Variants in QRICH1 observed in about 807,000 individuals in gnomAD.
QRICH1 encodes the protein transcriptional regulator QRICH1.
In QRICH1, 16 loss-of-function variants were observed where a neutral mutation model predicts 87.1. The ratio of observed to expected loss-of-function variants is 0.18; its 90% CI spans 0.12 to 0.28. The LOEUF is 0.28. Among genes scored for constraint, QRICH1 ranks in the 10% least tolerant of loss-of-function variants. The pLI, the probability that QRICH1 is intolerant of heterozygous loss-of-function variation, is 1.00. For synonymous variants in QRICH1, 367 were observed against 368.4 expected (o/e 1.00, Z 0.05); for missense variants, 647 against 951.7 (o/e 0.68, Z 4.21).
At chr3:49,041,339 ATGTGTG>A (rs34898562) in intron 6 of QRICH1, among the ~76,000 whole-genome samples, 9 of 149,314 alleles carry the variant, frequency 6.0e-5, no homozygotes, top group East Asian at 2.0e-4. Context: ...GATATTTAAT[ATGTGTG>A]TGTGTGTGTG....
intron 3 of QRICH1, among the ~76,000 whole-genome samples, chr3:49,056,029 G>A (rs1355908309): frequency 6.6e-6 from 1 of 151,924 alleles, no homozygotes. Flanking sequence ...AGGCTGGAAT[G>A]CAATGGCGCA....
intron 6 of QRICH1, among the ~76,000 whole-genome samples, chr3:49,041,796 A>G (rs929172293): frequency 2.0e-5 from 3 of 151,816 alleles, no homozygotes; most frequent in Admixed American, 2.0e-4. Flanking sequence ...ACGTCCAGCT[A>G]ATTTTTTGTA....
intron 3 of QRICH1, among the ~76,000 whole-genome samples, chr3:49,054,951 T>C (rs751949003): frequency 3.3e-5 from 5 of 152,236 alleles, no homozygotes; most frequent in Admixed American, 1.3e-4. Context: ...AAGACCTCTG[T>C]TGACTTCTTA....
chr3:49,047,293 G>C, intron 3 of QRICH1, 47 bp from the exon 4 acceptor site: 1 of 1,534,048 alleles, frequency 6.5e-7, no homozygotes, highest in African/African-American at 1.4e-5. Flanking sequence ...TTTTATATTA[G>C]ATCCTTCTGC....
intron 3 of QRICH1, 88 bp from the exon 4 acceptor site, chr3:49,047,334 C>A: frequency 8.0e-7 from 1 of 1,243,972 alleles, no homozygotes; most frequent in South Asian, 1.5e-5. Flanking sequence ...ATGTATAGTT[C>A]ATTTATTTAA....
intron 2 of QRICH1, among the ~76,000 whole-genome samples, chr3:49,062,284 G>A (rs548057774): frequency 1.3e-4 from 20 of 150,692 alleles, no homozygotes; most frequent in African/African-American, 4.6e-4. Flanking sequence ...AGTGAGCCGA[G>A]ATGGCGCCAC....
chr3:49,050,112 G>A (rs1489325011), intron 3 of QRICH1, among the ~76,000 whole-genome samples: 3 of 151,702 alleles, frequency 2.0e-5, no homozygotes, highest in South Asian at 2.1e-4. Context: ...CGAGGCGGGC[G>A]GATCACAAGG....
At chr3:49,085,139 T>C (rs1475667455) in intron 1 of QRICH1, among the ~76,000 whole-genome samples, 1 of 150,912 alleles carries the variant, frequency 6.6e-6, no homozygotes, top group Non-Finnish European at 1.5e-5. Context: ...CAAGACTCCG[T>C]CTCAAAAAAA....
intron 6 of QRICH1, among the ~76,000 whole-genome samples, chr3:49,035,542 T>G (rs1048386475): frequency 6.6e-6 from 1 of 151,912 alleles, no homozygotes; most frequent in Admixed American, 6.6e-5. Context: ...GTTACTCATG[T>G]CTATAATCTC....
chr3:49,036,990 G>A (rs1025844847), intron 6 of QRICH1, among the ~76,000 whole-genome samples: 7 of 151,140 alleles, frequency 4.6e-5, no homozygotes, highest in Non-Finnish European at 1.0e-4. Context: ...CTTGGGCCCA[G>A]GAGGTTGAGG....
rs528210717 is a variant in QRICH1, at chr3:49,088,425, A to C, written c.-22+5487T>G. On this transcript the variant is annotated intron_variant, in intron 1 of 9. Coordinates refer to ENST00000395443, the MANE Select transcript of QRICH1 (RefSeq NM_198880.3). The stretch of plus-strand genomic sequence containing the variant: ...TTCTCCTGCCTCAAGCCTCCCTAGT[A>C]GCTTGAACTACAGGCGCACGCCACC... 3.6e-3 allele frequency among the ~76,000 whole-genome samples: 543 copies of C among 151,822 alleles called. 3 individuals carry two copies. Among genetic ancestry groups the C allele is most frequent in the Non-Finnish European group, 6.1e-3 (417 of 67,916 alleles).
At chr3:49,065,641 G>A (rs1176522891) in intron 2 of QRICH1, among the ~76,000 whole-genome samples, 2 of 151,872 alleles carry the variant, frequency 1.3e-5, no homozygotes, top group African/African-American at 4.8e-5. Context: ...CTTTGACCTT[G>A]AGGAACCCTA....
chr3:49,032,586 G>C (rs753589490), intron 8 of QRICH1, 36 bp downstream of exon 8: 1 of 1,535,938 alleles, frequency 6.5e-7, no homozygotes, highest in Non-Finnish European at 8.8e-7. Flanking sequence ...AGGACAAGTA[G>C]CACCTGTTTT....
intron 2 of QRICH1, among the ~76,000 whole-genome samples, chr3:49,066,808 C>T (rs1166782516): frequency 6.6e-6 from 1 of 151,902 alleles, no homozygotes; most frequent in Non-Finnish European, 1.5e-5. Flanking sequence ...GAGGCCAAGG[C>T]AGGTGGATCA....
intron 1 of QRICH1, among the ~76,000 whole-genome samples, chr3:49,081,470 A>C (rs1462306890): frequency 4.6e-5 from 7 of 151,786 alleles, no homozygotes; most frequent in Non-Finnish European, 8.8e-5. Flanking sequence ...ACTATGTAAG[A>C]TCAGGAAATT....
chr3:49,060,486 C>T (rs951251108), intron 2 of QRICH1, among the ~76,000 whole-genome samples: 1 of 152,192 alleles, frequency 6.6e-6, no homozygotes, highest in Non-Finnish European at 1.5e-5. Flanking sequence ...AGCCACCACA[C>T]CCAGCCCTAA....
At chr3:49,080,440 T>C (rs888205159) in intron 1 of QRICH1, among the ~76,000 whole-genome samples, 6 of 151,798 alleles carry the variant, frequency 4.0e-5, no homozygotes, top group African/African-American at 1.5e-4. Flanking sequence ...AAAGAAACAC[T>C]GCTTCCCAAC....
At chr3:49,077,141 T>C (rs1427368316) in intron 1 of QRICH1, 103 bp from the exon 2 acceptor site, 1 of 670,458 alleles carries the variant, frequency 1.5e-6, no homozygotes, top group African/African-American at 1.9e-5. Flanking sequence ...GGCAGCTGTA[T>C]ACATATAGAA....
chr3:49,060,199 T>C (rs1027389760), intron 2 of QRICH1, among the ~76,000 whole-genome samples: 10 of 146,618 alleles, frequency 6.8e-5, no homozygotes, highest in African/African-American at 2.5e-4. Context: ...TATATATACA[T>C]ATATATGTTT....
Sources: gnomAD v4.1 joint callset for allele counts (sites outside exome capture counted in the v4.1 genomes callset) on GRCh38, gnomAD v4.1.1 for gene constraint, MANE v1.5 for transcripts, NCBI Gene and HGNC (gene_info 2026-07-23, HGNC 2026-07-21) for gene names.